The following L3MBTL4 variants were observed in gnomAD, a reference collection of about 807,000 sequenced individuals.
L3MBTL4 encodes L3MBTL histone methyl-lysine binding protein 4, also known as lethal(3)malignant brain tumor-like protein 4.
A neutral mutation model predicts 84.5 loss-of-function variants in L3MBTL4; 70 were observed. The ratio of observed to expected loss-of-function variants is 0.83; its 90% confidence interval spans 0.68 to 1.01. The LOEUF is 1.01. Among genes scored for constraint, L3MBTL4 ranks in the 50% least tolerant of loss-of-function variants. L3MBTL4 has a pLI of 0.00. For missense variants in L3MBTL4, 715 were observed against 754.8 expected, an observed-to-expected ratio of 0.95 and a Z score of 0.62; for synonymous variants, 274 against 259.8, an observed-to-expected ratio of 1.05 and a Z score of -0.52.
chr18:6,231,028 T>C (rs1226481598), intron 10 of L3MBTL4, among the ~76,000 whole-genome samples: 1 of 152,184 alleles, frequency 6.6e-6, no homozygotes, highest in African/African-American at 2.4e-5. Flanking sequence ...ATTCTGTAGG[T>C]TGTCTGTTTA....
At chr18:6,244,463 G>A (rs1018984157) in intron 6 of L3MBTL4, 21 bp downstream of exon 6, 2 of 1,489,564 alleles carry the variant, frequency 1.3e-6, no homozygotes, top group Non-Finnish European at 1.9e-6. Flanking sequence ...ATTAGCCCAA[G>A]ACAGTAACAC....
At chr18:6,177,663 C>A (rs1433917877) in intron 12 of L3MBTL4, among the ~76,000 whole-genome samples, 1 of 152,246 alleles carries the variant, frequency 6.6e-6, no homozygotes, top group Admixed American at 6.5e-5. Context: ...GCTGCTGTCA[C>A]ATGTGGCTGC....
At chr18:6,260,341 G>C (rs1302669219) in intron 5 of L3MBTL4, 2 of 152,128 alleles carry the variant, frequency 1.3e-5, no homozygotes, top group Non-Finnish European at 2.9e-5. Flanking sequence ...AGTTTGATAG[G>C]AATAATGTTT....
At chr18:6,065,867 T>C (rs1000818355) in intron 16 of L3MBTL4, among the ~76,000 whole-genome samples, 1 of 152,118 alleles carries the variant, frequency 6.6e-6, no homozygotes, top group Non-Finnish European at 1.5e-5. Flanking sequence ...AGTTCTGCTC[T>C]GATCTTTAAT....
intron 4 of L3MBTL4, among the ~76,000 whole-genome samples, chr18:6,296,725 C>A (rs1295519904): frequency 1.3e-5 from 2 of 151,972 alleles, no homozygotes; most frequent in African/African-American, 2.4e-5. Flanking sequence ...ATGAGGCACT[C>A]CAGTAACAGA....
At chr18:6,154,597 C>T (rs1598930001) in intron 13 of L3MBTL4, among the ~76,000 whole-genome samples, 1 of 152,160 alleles carries the variant, frequency 6.6e-6, no homozygotes, top group African/African-American at 2.4e-5. Flanking sequence ...TTTAAAAGTG[C>T]AGTGTGATTA....
At chr18:6,205,270 G>T (rs73384002) in intron 12 of L3MBTL4, among the ~76,000 whole-genome samples, 2 of 152,138 alleles carry the variant, frequency 1.3e-5, no homozygotes, top group Admixed American at 6.5e-5. Flanking sequence ...AGTAAAGGTG[G>T]CCTCTAGAAG....
chr18:6,371,987 G>T (rs2054176583), intron 1 of L3MBTL4, among the ~76,000 whole-genome samples: 1 of 152,226 alleles, frequency 6.6e-6, no homozygotes, highest in African/African-American at 2.4e-5. Context: ...GAACTGTTGG[G>T]AGAGACAGTG....
intron 14 of L3MBTL4, among the ~76,000 whole-genome samples, chr18:6,109,088 G>A (rs913998167): frequency 6.6e-6 from 1 of 152,106 alleles, no homozygotes; most frequent in East Asian, 1.9e-4. Context: ...GGGAGTTTAA[G>A]GTAGGGATGG....
intron 4 of L3MBTL4, among the ~76,000 whole-genome samples, chr18:6,271,750 G>C (rs1226743554): frequency 6.6e-6 from 1 of 152,210 alleles, no homozygotes; most frequent in Non-Finnish European, 1.5e-5. Context: ...GGAGGCGCAC[G>C]AGGGAGGCAG....
rs2054034687 is a variant in L3MBTL4, at chr18:6,368,709, T to C, written c.-91+46092A>G. Among the ~76,000 whole-genome samples the C allele has an allele frequency of 1.3e-5, 2 of 152,146 alleles. 1 individual carries two copies. Among genetic ancestry groups the C allele is most frequent in the South Asian group, 4.1e-4 (2 of 4,826 alleles). ...ACAAGATTAATTCACTTTAAGCAAC[T>C]GGCAAACAGTGCTGTCCAATTATTA... On this transcript the variant is annotated intron_variant, in intron 1 of 18. Transcript: ENST00000317931.
rs189817538 is a variant in L3MBTL4, at chr18:6,105,070, C to T, written c.1200-11542G>A. On this transcript the variant is annotated intron_variant, in intron 14 of 18. Coordinates refer to ENST00000317931, the MANE Select transcript of L3MBTL4 (RefSeq NM_001330559.2). ...TAATATAATTGGTGATAAGGATGAACGTCTATTTCTTTCAAGAGAATATGA... is the reference window on the plus strand; with the variant it reads ...TAATATAATTGGTGATAAGGATGAATGTCTATTTCTTTCAAGAGAATATGA... Among the ~76,000 whole-genome samples the T allele has an allele frequency of 6.9e-4, 105 of 151,776 alleles. 1 individual carries two copies. In the East Asian group the frequency reaches 0.017, roughly 25 times the overall value.
In L3MBTL4 at chr18:5,960,077, A is replaced by T. The variant is rs1395617675; in HGVS notation, c.1677+17T>A. 2.1e-6 allele frequency: 2 copies of T among 948,982 alleles called. No homozygotes were observed. The highest frequency in any genetic ancestry group is 7.3e-5 in the East Asian group (2 of 27,448). 58.8% of individuals were successfully genotyped at this position (948,982 alleles called of 1,614,324 possible). ...ATATATATACATATATATATATATA[A>T]TTTTTGCATCTCTTACCTCTTTCTT... On this transcript the variant is annotated intron_variant, in intron 18 of 18. Transcript: ENST00000317931.
chr18:5,981,118 T>C (rs2053189838), intron 16 of L3MBTL4, among the ~76,000 whole-genome samples: 1 of 152,242 alleles, frequency 6.6e-6, no homozygotes, highest in African/African-American at 2.4e-5. Context: ...CTCCCACCAC[T>C]GACCTCTTGG....
intron 14 of L3MBTL4, among the ~76,000 whole-genome samples, chr18:6,122,780 G>T (rs113403453): frequency 6.6e-6 from 1 of 152,112 alleles, no homozygotes; most frequent in Non-Finnish European, 1.5e-5. Context: ...TTAAAGAATG[G>T]TGTTTATCCA....
chr18:6,359,888 T>C (rs1365787919), intron 1 of L3MBTL4, among the ~76,000 whole-genome samples: 1 of 151,948 alleles, frequency 6.6e-6, no homozygotes, highest in African/African-American at 2.4e-5. Flanking sequence ...GGTTAAAGGG[T>C]TGTATGAATT....
intron 16 of L3MBTL4, among the ~76,000 whole-genome samples, chr18:6,017,153 T>A (rs147792483): frequency 6.6e-6 from 1 of 152,184 alleles, no homozygotes; most frequent in African/African-American, 2.4e-5. Flanking sequence ...AAGAAGAAAA[T>A]GGCCACAAGC....
chr18:6,312,402 TAA>T, intron 1 of L3MBTL4, among the ~76,000 whole-genome samples: 1 of 152,182 alleles, frequency 6.6e-6, no homozygotes, highest in Non-Finnish European at 1.5e-5. Flanking sequence ...ATGGTAAATG[TAA>T]CATATTTGCA....
intron 13 of L3MBTL4, among the ~76,000 whole-genome samples, chr18:6,142,264 C>T (rs899723996): frequency 6.6e-6 from 1 of 152,172 alleles, no homozygotes; most frequent in East Asian, 1.9e-4. Flanking sequence ...ATAGTTAGTG[C>T]TCAGTGTTTG....
Sources: allele counts gnomAD v4.1 joint callset (sites outside exome capture counted in the v4.1 genomes callset), GRCh38; gene constraint gnomAD v4.1.1; transcripts MANE v1.5; gene names NCBI Gene and HGNC (gene_info 2026-07-23, HGNC 2026-07-21).